The following ST3GAL6 variants were observed in gnomAD, a reference collection of about 807,000 sequenced individuals.
ST3GAL6 encodes the protein type 2 lactosamine alpha-2,3-sialyltransferase.
ST3GAL6 carries 31 observed loss-of-function variants against 40.5 expected under a neutral mutation model. The observed-to-expected ratio is 0.77, with a 90% CI of 0.58 to 1.03. The LOEUF is 1.03. Ranked by LOEUF, ST3GAL6 falls within the 50% of genes least tolerant of loss-of-function variation. The pLI, the probability that ST3GAL6 is intolerant of heterozygous loss-of-function variation, is 0.00. For synonymous variants in ST3GAL6, 129 were observed against 136.9 expected (o/e 0.94, Z 0.40); for missense variants, 357 against 393.2 (o/e 0.91, Z 0.78).
Position 98,772,820 on chromosome 3 carries a change from C to T in ST3GAL6, c.175C>T (p.Gln59Ter). ...TTTATCCTTTCCTTCCAGGTTTCAT[C>T]AGTTTCACCCTTTTCTGTGTGCGGC... ...PAFASLLRFHQFHPFLCAADF... is the reference protein window; with the variant it reads ...PAFASLLRFH The change falls in exon 4 of 10, where the codon CAG becomes TAG. Residue 59 changes from glutamine (Q) to a stop codon, truncating the protein, a stop_gained. Transcript: ENST00000483910. LOFTEE classifies it high-confidence loss of function. 1 of 1,611,720 alleles carries T rather than the reference C, an allele frequency of 6.2e-7. No homozygotes were observed. The highest frequency in any genetic ancestry group is 8.5e-7 in the Non-Finnish European group (1 of 1,178,326).
In ST3GAL6 at chr3:98,753,373, C is replaced by T. The variant is rs115628180; in HGVS notation, c.-11-15057C>T. Among the ~76,000 whole-genome samples, 733 of 152,264 alleles carry T rather than the reference C, an allele frequency of 4.8e-3. 4 individuals carry two copies. The highest frequency in any genetic ancestry group is 0.017 in the African/African-American group (689 of 41,552). ...TTAAGGAAAGAAACTCTCCATAACACAAAAGTGCAAGGTGAAGAAGCAAGT... is the reference window on the plus strand; with the variant it reads ...TTAAGGAAAGAAACTCTCCATAACATAAAAGTGCAAGGTGAAGAAGCAAGT... On this transcript the variant is annotated intron_variant, in intron 1 of 9. Coordinates refer to the ST3GAL6 transcript ENST00000265261.
intron 1 of ST3GAL6, among the ~76,000 whole-genome samples, chr3:98,749,145 C>T (rs187884128): frequency 1.3e-5 from 2 of 152,044 alleles, no homozygotes; most frequent in Non-Finnish European, 1.5e-5. Context: ...ACAAAGTTAC[C>T]CTAGAAAGTG....
chr3:98,732,979 C>T (rs750836550), intron 1 of ST3GAL6: 4 of 1,491,612 alleles, frequency 2.7e-6, no homozygotes, highest in Non-Finnish European at 3.6e-6. Context: ...TCACTCTTGC[C>T]GGCCGGCTTC....
upstream of ST3GAL6, among the ~76,000 whole-genome samples, chr3:98,761,226 C>CT (rs1449566884): frequency 1.3e-5 from 2 of 152,092 alleles, no homozygotes. Flanking sequence ...AGGAGGATTA[C>CT]TTGAGCCCAG....
At chr3:98,787,115 C>T (rs1342487067) in intron 6 of ST3GAL6, among the ~76,000 whole-genome samples, 1 of 151,988 alleles carries the variant, frequency 6.6e-6, no homozygotes, top group African/African-American at 2.4e-5. Flanking sequence ...GGTGAGGTCA[C>T]CTTATTTTCT....
intron 2 of ST3GAL6, among the ~76,000 whole-genome samples, chr3:98,770,135 G>T (rs1462534909): frequency 1.3e-5 from 2 of 152,128 alleles, no homozygotes; most frequent in African/African-American, 2.4e-5. Context: ...GAAGAAAATT[G>T]ATTAGTTTTT....
chr3:98,737,299 C>T (rs561311737), intron 1 of ST3GAL6, among the ~76,000 whole-genome samples: 41 of 152,202 alleles, frequency 2.7e-4, no homozygotes, highest in Non-Finnish European at 4.9e-4. Flanking sequence ...GATCCGCCCA[C>T]TTCGGCCTCC....
chr3:98,791,692 G>A (rs1323644543), intron 8 of ST3GAL6, 149 bp from the exon 9 acceptor site: 1 of 676,640 alleles, frequency 1.5e-6, no homozygotes, highest in Admixed American at 2.7e-5. Flanking sequence ...ATACTCTTTG[G>A]GGCTTGAGCC....
chr3:98,758,381 A>G (rs1015270153), upstream of ST3GAL6, among the ~76,000 whole-genome samples: 1 of 152,184 alleles, frequency 6.6e-6, no homozygotes, highest in Non-Finnish European at 1.5e-5. Context: ...TTGTTTATAG[A>G]GTTCTTGATT....
chr3:98,771,015 A>G, intron 3 of ST3GAL6, 59 bp downstream of exon 3: 4 of 1,582,226 alleles, frequency 2.5e-6, no homozygotes, highest in Non-Finnish European at 3.5e-6. Flanking sequence ...GCTTGTAATC[A>G]TTTTCCACAC....
intron 1 of ST3GAL6, among the ~76,000 whole-genome samples, chr3:98,752,305 A>G (rs951425870): frequency 1.3e-5 from 2 of 151,838 alleles, no homozygotes; most frequent in African/African-American, 2.4e-5. Context: ...CAATAAGCCT[A>G]TTGGTACCAT....
Position 98,772,801 on chromosome 3 carries a change from C to A in ST3GAL6, c.168-12C>A. 2 of 1,601,242 alleles carry A rather than the reference C, an allele frequency of 1.2e-6. No individual in the cohort carries two copies. The highest frequency in any genetic ancestry group is 8.6e-7 in the Non-Finnish European group (1 of 1,169,346). On this transcript the variant is annotated splice_polypyrimidine_tract_variant and intron_variant, in intron 3 of 9. Transcript: ENST00000483910. ...GTATTTGGCAAAATCATTCTTTATC[C>A]TTTCCTTCCAGGTTTCATCAGTTTC... is the stretch of plus-strand genomic sequence containing the variant.
At chr3:98,782,116 A>G (rs1214693547) in intron 5 of ST3GAL6, 7 of 645,240 alleles carry the variant, frequency 1.1e-5, no homozygotes, top group Middle Eastern at 2.6e-4. Context: ...CCCACAGCAG[A>G]GAGCCTTTGA....
At position 98,763,364 on chromosome 3, in the gene ST3GAL6, A is replaced by T. The variant is rs1460689895; in HGVS notation, c.-87A>T. On this transcript the variant is annotated 5_prime_UTR_variant, in exon 1 of 10. Transcript: ENST00000483910. ...CAGTGTGAGCTGAAGACCAGCAGAG[A>T]CTAGGATGGATGACGGCCTGTCCAG... is the stretch of plus-strand genomic sequence containing the variant. 4.7e-6 allele frequency: 6 copies of T among 1,289,708 alleles called. No individual in the cohort carries two copies. The highest frequency in any genetic ancestry group is 6.1e-6 in the Non-Finnish European group (6 of 988,874). 79.9% of individuals were successfully genotyped at this position (1,289,708 alleles called of 1,614,324 possible).
intron 6 of ST3GAL6, among the ~76,000 whole-genome samples, chr3:98,786,428 G>A (rs1271041468): frequency 6.6e-6 from 1 of 152,192 alleles, no homozygotes; most frequent in Non-Finnish European, 1.5e-5. Flanking sequence ...CAGTGCTGGT[G>A]AGAGGTCATG....
chr3:98,782,824 C>T (rs1940273464), intron 5 of ST3GAL6: 1 of 504,898 alleles, frequency 2.0e-6, no homozygotes, highest in Non-Finnish European at 4.0e-6. Flanking sequence ...TGAATGAACC[C>T]CTGAAACAGT....
At chr3:98,752,658 A>AGAC (rs1937097638) in intron 1 of ST3GAL6, among the ~76,000 whole-genome samples, 4 of 152,020 alleles carry the variant, frequency 2.6e-5, no homozygotes, top group African/African-American at 9.7e-5. Flanking sequence ...TTTTTAGTAG[A>AGAC]GACGGGGTTT....
intron 5 of ST3GAL6, among the ~76,000 whole-genome samples, chr3:98,779,668 G>T (rs949203546): frequency 2.0e-5 from 3 of 152,216 alleles, no homozygotes; most frequent in African/African-American, 7.2e-5. Flanking sequence ...TCACCTGGGG[G>T]AAGTGTAATC....
chr3:98,792,223 G>A (rs1941267634), intron 9 of ST3GAL6, among the ~76,000 whole-genome samples: 1 of 152,116 alleles, frequency 6.6e-6, no homozygotes, highest in African/African-American at 2.4e-5. Context: ...TTATTGCCAA[G>A]TGTCATCAAA....
Sources: gnomAD v4.1 joint callset for allele counts (sites outside exome capture counted in the v4.1 genomes callset) on GRCh38, gnomAD v4.1.1 for gene constraint, MANE v1.5 for transcripts, NCBI Gene and HGNC (gene_info 2026-07-23, HGNC 2026-07-21) for gene names.